NBAS: variants seen among roughly 807,000 people sequenced by gnomAD.
The protein encoded by NBAS is NAG/BC035112 fusion.
NBAS carries 219 observed loss-of-function variants against 302.5 expected under a neutral mutation model. That is an observed-to-expected ratio of 0.72 (90% CI 0.65 to 0.81). The LOEUF (loss-of-function observed/expected upper bound fraction) is 0.81. NBAS is among the 30% of genes least tolerant of loss of function. The pLI is 0.00. For missense variants in NBAS, 2,932 were observed against 2,841.6 expected (o/e 1.03, Z -0.72); for synonymous variants, 1,118 against 1,021.6 (o/e 1.09, Z -1.80).
chr2:15,406,784 C>T (rs892543022), intron 25 of NBAS, among the ~76,000 whole-genome samples: 4 of 152,134 alleles, frequency 2.6e-5, no homozygotes, highest in South Asian at 2.1e-4. Flanking sequence ...TCTAACATAT[C>T]GGAAAATGTT....
chr2:15,009,276 GGC>G, the NBAS span, among the ~76,000 whole-genome samples: 1 of 152,010 alleles, frequency 6.6e-6, no homozygotes, highest in African/African-American at 2.4e-5. Flanking sequence ...ATTCTACAAT[GGC>G]AATGTCAAGG....
intron 48 of NBAS, among the ~76,000 whole-genome samples, chr2:15,206,004 C>T (rs1666124560): frequency 6.6e-6 from 1 of 151,950 alleles, no homozygotes; most frequent in Admixed American, 6.6e-5. Flanking sequence ...AATGTGGAAG[C>T]ACCATTGGAA....
chr2:15,166,670 T>C (rs1450787917), downstream of NBAS, among the ~76,000 whole-genome samples: 1 of 152,166 alleles, frequency 6.6e-6, no homozygotes, highest in Non-Finnish European at 1.5e-5. Flanking sequence ...CCTCCACCCA[T>C]GACACCTGCC....
chr2:15,496,805 G>T (rs1018018655), intron 11 of NBAS, among the ~76,000 whole-genome samples: 2 of 152,078 alleles, frequency 1.3e-5, no homozygotes, highest in African/African-American at 2.4e-5. Context: ...TAGCTTCATG[G>T]AGCCATGAAA....
chr2:15,363,193 A>C (rs746087027), intron 32 of NBAS, among the ~76,000 whole-genome samples: 1 of 152,170 alleles, frequency 6.6e-6, no homozygotes, highest in African/African-American at 2.4e-5. Context: ...TTCCTGACTG[A>C]CTGCCTATGG....
At chr2:15,192,632 G>A (rs1431010284) in intron 48 of NBAS, among the ~76,000 whole-genome samples, 1 of 152,092 alleles carries the variant, frequency 6.6e-6, no homozygotes, top group African/African-American at 2.4e-5. Context: ...CTGAAAAATG[G>A]GTTCCAAAAA....
At chr2:15,440,682 A>G (rs185847629) in intron 21 of NBAS, among the ~76,000 whole-genome samples, 50 of 152,350 alleles carry the variant, frequency 3.3e-4, no homozygotes, top group African/African-American at 1.2e-3. Flanking sequence ...GAGTTGAGAG[A>G]AGGCTTCAGA....
Position 15,558,608 on chromosome 2 carries a change from T to G in NBAS, c.144A>C (p.Ala48=), listed in dbSNP as rs777037939. The G allele has an allele frequency of 8.1e-6, 13 of 1,613,160 alleles. No homozygotes were observed. The East Asian group carries it at 2.9e-4, about 36-fold the overall frequency. Residue 48 remains alanine, a synonymous_variant, in exon 2 of 52, where the codon GCA becomes GCC. Coordinates refer to ENST00000281513, the MANE Select transcript of NBAS (RefSeq NM_015909.4). ...VQPRGNQKHG[A]SFIITKAIRD... The stretch of plus-strand genomic sequence containing the variant: ...GAATTGCTTTCGTGATGATAAAGGA[T>G]GCACCATGTTTTTGGTTGCCTCTAG...
the NBAS span, among the ~76,000 whole-genome samples, chr2:15,146,753 G>A: frequency 5.9e-5 from 9 of 152,216 alleles, no homozygotes; most frequent in African/African-American, 1.2e-4. Flanking sequence ...CCCTATCCCC[G>A]TGGGCCAGGC....
intron 47 of NBAS, among the ~76,000 whole-genome samples, chr2:15,226,592 A>T (rs1045599065): frequency 2.6e-5 from 4 of 152,200 alleles, no homozygotes; most frequent in African/African-American, 9.7e-5. Flanking sequence ...GATGTATGAA[A>T]GGTCTTTGGC....
At chr2:15,048,289 A>G in the NBAS span, among the ~76,000 whole-genome samples, 3 of 152,218 alleles carry the variant, frequency 2.0e-5, no homozygotes, top group Non-Finnish European at 4.4e-5. Flanking sequence ...TCCGTGCCGG[A>G]TGCTCTTTCT....
intron 10 of NBAS, among the ~76,000 whole-genome samples, chr2:15,504,819 T>TA (rs1661764823): frequency 6.6e-6 from 1 of 152,138 alleles, no homozygotes. Context: ...CTCAAAAACT[T>TA]AAACATAAAA....
At chr2:15,394,100 T>C (rs1013063754) in intron 28 of NBAS, 127 bp downstream of exon 28, 5 of 1,059,426 alleles carry the variant, frequency 4.7e-6, no homozygotes, top group Non-Finnish European at 6.6e-6. Flanking sequence ...TATCAAATTA[T>C]ACTTACACTT....
At chr2:14,843,281 A>T in the NBAS span, among the ~76,000 whole-genome samples, 1 of 152,174 alleles carries the variant, frequency 6.6e-6, no homozygotes, top group Non-Finnish European at 1.5e-5. Context: ...CCATTTTCAC[A>T]ACTTTTATTC....
chr2:14,974,044 A>T, the NBAS span, among the ~76,000 whole-genome samples: 1 of 152,220 alleles, frequency 6.6e-6, no homozygotes, highest in Non-Finnish European at 1.5e-5. Flanking sequence ...TCCAGGAGAA[A>T]AGGACAATCT....
At chr2:15,406,319 G>T (rs1341688361) in intron 25 of NBAS, among the ~76,000 whole-genome samples, 2 of 151,954 alleles carry the variant, frequency 1.3e-5, no homozygotes, top group Non-Finnish European at 2.9e-5. Context: ...AAATCACTAG[G>T]GTAATGGTAA....
intron 50 of NBAS, among the ~76,000 whole-genome samples, chr2:15,182,658 A>C (rs1428153510): frequency 6.6e-6 from 1 of 152,116 alleles, no homozygotes; most frequent in Non-Finnish European, 1.5e-5. Context: ...ATGCCAACAA[A>C]CTGTTTATGC....
the NBAS span, among the ~76,000 whole-genome samples, chr2:15,152,390 C>G: frequency 6.6e-6 from 1 of 152,198 alleles, no homozygotes; most frequent in African/African-American, 2.4e-5. Context: ...AAAGCTGCTG[C>G]CTCTACACTT....
chr2:14,968,067 G>A, the NBAS span, among the ~76,000 whole-genome samples: 1 of 152,102 alleles, frequency 6.6e-6, no homozygotes, highest in South Asian at 2.1e-4. Flanking sequence ...GGCCATTCTT[G>A]TACTTACTTG....
Sources: allele counts gnomAD v4.1 joint callset (sites outside exome capture counted in the v4.1 genomes callset), GRCh38; gene constraint gnomAD v4.1.1; transcripts MANE v1.5; gene names NCBI Gene and HGNC (gene_info 2026-07-23, HGNC 2026-07-21).